The following HNF4A variants were observed in gnomAD, a reference collection of about 807,000 sequenced individuals.
The protein encoded by HNF4A is hepatocyte nuclear factor 4 alpha.
In HNF4A, 15 loss-of-function variants were observed where a neutral mutation model predicts 52.4. That is an observed-to-expected ratio of 0.29 (90% CI 0.19 to 0.44). The LOEUF is 0.44. Among genes scored for constraint, HNF4A ranks in the 20% least tolerant of loss-of-function variants. The pLI is 1.00. For synonymous variants in HNF4A, 280 were observed against 264.4 expected, an observed-to-expected ratio of 1.06 and a Z score of -0.57; for missense variants, 479 against 647.2, an observed-to-expected ratio of 0.74 and a Z score of 2.82.
At chr20:44,398,367 A>C (rs1330081401), upstream of HNF4A, among the ~76,000 whole-genome samples, 1 of 152,232 alleles carries the variant, frequency 6.6e-6, no homozygotes, top group Non-Finnish European at 1.5e-5. Context: ...TAATCCACAA[A>C]GATTCTGGGC....
In HNF4A at chr20:44,371,023, G is replaced by A. The variant is rs1002537034; in HGVS notation, c.49+15170G>A. On this transcript the variant is annotated intron_variant, in intron 1 of 9. Transcript: ENST00000316673. ...CATGACGAAGGGCAGAGGAGGTGGG[G>A]AGACAGGGAGAGAGCAGGCGGCCCT... Among the ~76,000 whole-genome samples, 63 of 152,296 alleles carry A rather than the reference G, an allele frequency of 4.1e-4. 1 individual carries two copies. Among genetic ancestry groups the A allele is most frequent in the African/African-American group, 1.4e-3 (60 of 41,578 alleles).
chr20:44,368,160 A>ATATATTTT (rs1200638153), intron 1 of HNF4A, among the ~76,000 whole-genome samples: 8 of 27,778 alleles, frequency 2.9e-4, no homozygotes, highest in Non-Finnish European at 4.2e-4. Context: ...ATATATATAT[A>ATATATTTT]TTTTTTTTTT....
chr20:44,431,573 C>T lies in HNF4A; in HGVS notation c.*1908C>T, dbSNP rs2063878288. On this transcript the variant is annotated 3_prime_UTR_variant, in exon 10 of 10. Coordinates refer to ENST00000316099, the MANE Select transcript of HNF4A (RefSeq NM_000457.6). ...AGGGCTGCTCCGGAGACCGTCACTC[C>T]AGGTGCATTCTGGAAGCATTAGACC... The T allele has an allele frequency of 6.6e-6, 1 of 152,172 alleles. No individual in the cohort carries two copies. The highest frequency in any genetic ancestry group is 1.5e-5 in the Non-Finnish European group (1 of 68,130). 9.4% of individuals were successfully genotyped at this position (152,172 alleles called of 1,614,324 possible).
At chr20:44,414,983 C>T (rs750491625) in intron 5 of HNF4A, among the ~76,000 whole-genome samples, 10 of 152,162 alleles carry the variant, frequency 6.6e-5, no homozygotes, top group Admixed American at 6.5e-5. Flanking sequence ...TAGAACCTGG[C>T]AGGAAGCTCC....
chr20:44,386,722 A>G (rs2063228945), intron 1 of HNF4A, among the ~76,000 whole-genome samples: 1 of 152,234 alleles, frequency 6.6e-6, no homozygotes, highest in Non-Finnish European at 1.5e-5. Flanking sequence ...GACAATGTAC[A>G]GGACAGTCCC....
intron 1 of HNF4A, among the ~76,000 whole-genome samples, chr20:44,368,108 GTGTA>G (rs1233058055): frequency 2.0e-4 from 25 of 124,402 alleles, no homozygotes; most frequent in African/African-American, 7.7e-4. Context: ...GTGTGTGTGT[GTGTA>G]TACATATATG....
intron 7 of HNF4A, among the ~76,000 whole-genome samples, chr20:44,420,502 G>A (rs530674326): frequency 1.6e-4 from 25 of 151,878 alleles, no homozygotes; most frequent in East Asian, 7.8e-4. Context: ...ATCTAGAACC[G>A]GATGTGGTGG....
intron 1 of HNF4A, among the ~76,000 whole-genome samples, chr20:44,378,978 C>T (rs2063119975): frequency 6.6e-6 from 1 of 151,816 alleles, no homozygotes; most frequent in Non-Finnish European, 1.5e-5. Flanking sequence ...TTCCCAGGCC[C>T]TGGCAAACCC....
rs1216722134 is a variant in HNF4A, at chr20:44,387,259, G to A, written c.50-18799G>A. On this transcript the variant is annotated intron_variant, in intron 1 of 9. Coordinates refer to the HNF4A transcript ENST00000316673. The stretch of plus-strand genomic sequence containing the variant: ...GCCGAGATCGTGCCATTGCTCTCCA[G>A]CCTGAGTGACAAGAGCGAAACTTCA... Among the ~76,000 whole-genome samples, 3 of 135,422 alleles carry A rather than the reference G, an allele frequency of 2.2e-5. No homozygotes were observed. In the East Asian group the frequency reaches 6.5e-4, roughly 29 times the overall value. The allele number at this position is 135,422 out of a possible 152,430, so 88.8% of individuals were successfully genotyped here.
chr20:44,408,669 G>A (rs966014013), intron 3 of HNF4A, among the ~76,000 whole-genome samples: 1 of 152,202 alleles, frequency 6.6e-6, no homozygotes, highest in Non-Finnish European at 1.5e-5. Flanking sequence ...GGCGGTTGCA[G>A]TGAGCTGAGA....
chr20:44,390,493 C>T (rs547483668), intron 1 of HNF4A: 29 of 613,858 alleles, frequency 4.7e-5, no homozygotes, highest in African/African-American at 1.3e-4. Flanking sequence ...TCCCACCATC[C>T]CTGAAATCTC....
intron 1 of HNF4A, among the ~76,000 whole-genome samples, chr20:44,359,547 C>A (rs958448337): frequency 2.6e-5 from 4 of 152,120 alleles, no homozygotes; most frequent in African/African-American, 9.7e-5. Context: ...GTGGCACACT[C>A]CTGCTCCAAA....
At chr20:44,434,528 G>C (rs35881428), downstream of HNF4A, 8,012 of 149,368 alleles carry the variant, frequency 0.054, 365 homozygotes, top group Admixed American at 0.097. Flanking sequence ...CGGGGGGGGG[G>C]GGGTGGAGGC....
chr20:44,407,757 T>TTGTGTGTGTGTGTG lies in HNF4A; in HGVS notation c.385+304_385+317dup, dbSNP rs35406830. Among the ~76,000 whole-genome samples the TTGTGTGTGTGTGTG allele has an allele frequency of 4.7e-3, 693 of 145,938 alleles. 8 individuals carry two copies. The highest frequency in any genetic ancestry group is 0.016 in the African/African-American group (636 of 39,122). ...TCTGCGCCACCACAAAGCAGCCACG[T>TTGTGTGTGTGTGTG]TGTGTGTGTGTGTGTGTGTGTGTGT... On this transcript the variant is annotated intron_variant, in intron 3 of 9. Transcript: ENST00000316099.
intron 1 of HNF4A, chr20:44,372,781 G>A (rs2063046839): frequency 6.6e-6 from 1 of 152,146 alleles, no homozygotes; most frequent in Non-Finnish European, 1.5e-5. Context: ...TGTTTTTGGA[G>A]AAGATGGTGT....
In HNF4A at chr20:44,424,263, C is replaced by T. The variant is rs771924053; in HGVS notation, c.1129+9C>T. 1.2e-6 allele frequency: 2 copies of T among 1,613,704 alleles called. No individual in the cohort carries two copies. Among genetic ancestry groups the T allele is most frequent in the Non-Finnish European group, 1.7e-6 (2 of 1,179,912 alleles). ...GGAGATGCTGCTGGGAGGTCCGTGCCAAGCCCAGGAGGGGCGGGGTTGGAG... is the reference window on the plus strand; with the variant it reads ...GGAGATGCTGCTGGGAGGTCCGTGCTAAGCCCAGGAGGGGCGGGGTTGGAG... On this transcript the variant is annotated intron_variant, in intron 8 of 9. Coordinates refer to ENST00000316099, the MANE Select transcript of HNF4A (RefSeq NM_000457.6).
chr20:44,357,767 A>G lies in HNF4A; in HGVS notation c.49+1914A>G, dbSNP rs8116818. Among the ~76,000 whole-genome samples, 1,047 of 152,054 alleles carry G rather than the reference A, an allele frequency of 6.9e-3. 21 individuals carry two copies. Among genetic ancestry groups the G allele is most frequent in the African/African-American group, 0.024 (1,013 of 41,462 alleles). On this transcript the variant is annotated intron_variant, in intron 1 of 9. Transcript: ENST00000316673. ...CTATTATCTCTCAGACAGCTGTTTCATTTTCCAAACGGCTGTCTGAGATAA... is the reference window on the plus strand; with the variant it reads ...CTATTATCTCTCAGACAGCTGTTTCGTTTTCCAAACGGCTGTCTGAGATAA...
intron 1 of HNF4A, among the ~76,000 whole-genome samples, chr20:44,403,021 T>C (rs2063432684): frequency 6.6e-6 from 1 of 152,166 alleles, no homozygotes; most frequent in South Asian, 2.1e-4. Flanking sequence ...TTTAGGCCTG[T>C]CTGAGGACCA....
intron 5 of HNF4A, among the ~76,000 whole-genome samples, chr20:44,417,017 G>A (rs763327783): frequency 1.6e-4 from 25 of 152,056 alleles, no homozygotes; most frequent in Non-Finnish European, 3.2e-4. Flanking sequence ...TCCTATAAAT[G>A]TTAGTTCGAT....
Sources: allele counts gnomAD v4.1 joint callset (sites outside exome capture counted in the v4.1 genomes callset), GRCh38; gene constraint gnomAD v4.1.1; transcripts MANE v1.5; gene names NCBI Gene and HGNC (gene_info 2026-07-23, HGNC 2026-07-21).